The following ZFHX3 variants were observed in gnomAD, a reference collection of about 807,000 sequenced individuals.
ZFHX3 encodes zinc finger homeobox 3, also known as zinc finger homeobox protein 3.
A neutral mutation model predicts 279.1 loss-of-function variants in ZFHX3; 42 were observed. That is an observed-to-expected ratio of 0.15 (90% CI 0.12 to 0.19). The LOEUF (loss-of-function observed/expected upper bound fraction) is 0.19, where lower values mean the gene tolerates loss of function less well. ZFHX3 is among the 10% of genes least tolerant of loss of function. The probability of loss-of-function intolerance (pLI) is 1.00; values close to 1 mark genes in which losing one functional copy is unlikely to be tolerated. For synonymous variants in ZFHX3, 2,293 were observed against 1,957.8 expected, an observed-to-expected ratio of 1.17 and a Z score of -4.52; for missense variants, 4,981 against 4,754.0, an observed-to-expected ratio of 1.05 and a Z score of -1.40.
chr16:72,785,035 T>G lies in ZFHX3; in HGVS notation c.*2129A>C, dbSNP rs2035300183. The G allele has an allele frequency of 1.3e-5, 2 of 152,726 alleles. No individual in the cohort carries two copies. Among genetic ancestry groups the G allele is most frequent in the African/African-American group, 4.8e-5 (2 of 41,590 alleles). The allele number at this position is 152,726 out of a possible 1,614,324, so 9.5% of individuals were successfully genotyped here. A position where few individuals can be genotyped will look rare whatever the true frequency, so the allele number is the denominator to read the frequency against. On this transcript the variant is annotated 3_prime_UTR_variant, in exon 10 of 10. Transcript: ENST00000268489. ...CGAAAGGTGACCAATGGAACCTGTA[T>G]TCACAGTCTTCAAAGTTCCCTTTTG...
At chr16:73,854,721 C>A (rs1961676566) in intron 1 of ZFHX3, among the ~76,000 whole-genome samples, 1 of 105,576 alleles carries the variant, frequency 9.5e-6, no homozygotes, top group South Asian at 4.0e-4. Context: ...TATCTCCCAC[C>A]TTCCACAAAA....
intron 1 of ZFHX3, among the ~76,000 whole-genome samples, chr16:72,998,946 AC>A (rs1181612588): frequency 2.6e-5 from 4 of 152,072 alleles, no homozygotes; most frequent in Non-Finnish European, 4.4e-5. Flanking sequence ...AATCCTCATA[AC>A]CCTTTAACTT....
At chr16:73,121,598 G>A (rs998277837) in intron 7 of ZFHX3, among the ~76,000 whole-genome samples, 5 of 151,146 alleles carry the variant, frequency 3.3e-5, no homozygotes, top group Admixed American at 6.6e-5. Context: ...TTAGGCTGGC[G>A]CAGAACTAAT....
At chr16:73,350,298 C>T (rs1021793664) in intron 3 of ZFHX3, among the ~76,000 whole-genome samples, 2 of 152,084 alleles carry the variant, frequency 1.3e-5, no homozygotes, top group Non-Finnish European at 2.9e-5. Context: ...AAAATGCGGC[C>T]GCTCCTTCTT....
At chr16:72,891,244 C>T (rs1040730250) in intron 3 of ZFHX3, among the ~76,000 whole-genome samples, 4 of 152,164 alleles carry the variant, frequency 2.6e-5, no homozygotes, top group Non-Finnish European at 5.9e-5. Flanking sequence ...AAATTACGTC[C>T]TCTGTTGTAC....
At chr16:73,398,476 C>G (rs758496856) in intron 3 of ZFHX3, among the ~76,000 whole-genome samples, 7 of 152,220 alleles carry the variant, frequency 4.6e-5, no homozygotes, top group Non-Finnish European at 8.8e-5. Context: ...CCGGCCTGCA[C>G]TGGCTCATGA....
intron 2 of ZFHX3, among the ~76,000 whole-genome samples, chr16:73,668,939 TTTAAAC>T (rs1276430130): frequency 7.9e-5 from 12 of 152,182 alleles, no homozygotes; most frequent in African/African-American, 2.9e-4. Context: ...TAGGAATACT[TTTAAAC>T]TGTTGGTGGA....
At chr16:73,625,535 G>A (rs2052406962) in intron 2 of ZFHX3, among the ~76,000 whole-genome samples, 1 of 152,218 alleles carries the variant, frequency 6.6e-6, no homozygotes, top group South Asian at 2.1e-4. Flanking sequence ...CACCTAGAGT[G>A]TAATACTCGT....
intron 2 of ZFHX3, chr16:73,486,752 A>T (rs1394610444): frequency 2.2e-6 from 1 of 452,370 alleles, no homozygotes. Flanking sequence ...TTTTCTCTTC[A>T]GGAATGAAGT....
intron 1 of ZFHX3, among the ~76,000 whole-genome samples, chr16:73,684,903 G>A (rs899698920): frequency 6.6e-6 from 1 of 152,002 alleles, no homozygotes; most frequent in Non-Finnish European, 1.5e-5. Context: ...ATTTCACTAT[G>A]TTGGTCAGGC....
intron 1 of ZFHX3, among the ~76,000 whole-genome samples, chr16:73,882,308 G>C (rs1037672874): frequency 2.0e-5 from 3 of 152,006 alleles, no homozygotes; most frequent in Non-Finnish European, 2.9e-5. Flanking sequence ...AGTTGGACTA[G>C]TGATGTCATC....
chr16:73,710,178 A>AAAAAC (rs886366742), intron 1 of ZFHX3, among the ~76,000 whole-genome samples: 10 of 152,230 alleles, frequency 6.6e-5, no homozygotes, highest in East Asian at 1.9e-4. Flanking sequence ...ACTCTGTCTC[A>AAAAAC]AAAACAAAAC....
intron 5 of ZFHX3, among the ~76,000 whole-genome samples, chr16:73,248,817 TA>T (rs1218394880): frequency 2.6e-5 from 4 of 152,156 alleles, no homozygotes; most frequent in Non-Finnish European, 5.9e-5. Flanking sequence ...AGTTTTTTTT[TA>T]ATTGAAAAAC....
chr16:72,825,289 C>T (rs1279705059), intron 5 of ZFHX3, among the ~76,000 whole-genome samples: 1 of 152,182 alleles, frequency 6.6e-6, no homozygotes, highest in Non-Finnish European at 1.5e-5. Context: ...TTTGAACATC[C>T]TGGTGGTTAT....
rs1252844929 is a variant in ZFHX3 at position 72,796,489 on chromosome 16, G to A, written c.6193C>T (p.Pro2065Ser). 1.2e-6 allele frequency: 2 copies of A among 1,608,458 alleles called. No homozygotes were observed. The highest frequency in any genetic ancestry group is 2.2e-5 in the East Asian group (1 of 44,724). The change falls in exon 9 of 10, where the codon CCC (proline) becomes TCC (serine). Residue 2065 changes from proline to serine, a missense_variant. By Grantham distance (74) the Pro-to-Ser change is moderately conservative. Transcript: ENST00000268489. ...PPQPASTPAI[P>S]ASAPPITSPT... ...GAGGTGATGGGTGGGGCTGATGCGG[G>A]GATGGCTGGTGTGGACGCCGGCTGA... is the stretch of plus-strand genomic sequence containing the variant.
At chr16:73,205,207 G>C (rs545371698) in intron 5 of ZFHX3, among the ~76,000 whole-genome samples, 21 of 151,988 alleles carry the variant, frequency 1.4e-4, no homozygotes, top group African/African-American at 4.6e-4. Context: ...CTCGAGAAAG[G>C]GTATATCTAA....
At chr16:73,546,671 T>TGTTGC (rs2020113754) in intron 2 of ZFHX3, among the ~76,000 whole-genome samples, 1 of 143,412 alleles carries the variant, frequency 7.0e-6, no homozygotes, top group East Asian at 2.1e-4. Flanking sequence ...GGTGCTGCTG[T>TGTTGC]TGCTGCTGCT....
Position 73,739,337 on chromosome 16 carries a change from G to A in ZFHX3, c.-1607-59097C>T, listed in dbSNP as rs529204391. On this transcript the variant is annotated intron_variant, in intron 1 of 17. Coordinates refer to the ZFHX3 transcript ENST00000641206. The stretch of plus-strand genomic sequence containing the variant: ...AGGGTTTCTCAATTGCTGCATGATT[G>A]GCATTTTGAGCTGGTTATTCTTTGT... Among the ~76,000 whole-genome samples, 3 of 152,278 alleles carry A rather than the reference G, an allele frequency of 2.0e-5. No individual in the cohort carries two copies. In the South Asian group the frequency reaches 6.2e-4, roughly 32 times the overall value.
chr16:73,704,500 A>C (rs2053284868), intron 1 of ZFHX3, among the ~76,000 whole-genome samples: 1 of 152,234 alleles, frequency 6.6e-6, no homozygotes, highest in Admixed American at 6.5e-5. Flanking sequence ...AATTTCCAGC[A>C]TGTTACCCAG....
Sources: allele counts gnomAD v4.1 joint callset (sites outside exome capture counted in the v4.1 genomes callset), GRCh38; gene constraint gnomAD v4.1.1; transcripts MANE v1.5; gene names NCBI Gene and HGNC (gene_info 2026-07-23, HGNC 2026-07-21).